Variants in ROBO2 observed in about 807,000 individuals in gnomAD.
The protein encoded by ROBO2 is roundabout guidance receptor 2, also known as roundabout homolog 2.
ROBO2 carries 53 observed loss-of-function variants against 160.8 expected under a neutral mutation model. That is an observed-to-expected ratio of 0.33 (90% confidence interval 0.26 to 0.41). The LOEUF is 0.41. Ranked by LOEUF, ROBO2 falls within the 10% of genes least tolerant of loss-of-function variation. The pLI, the probability that ROBO2 is intolerant of heterozygous loss-of-function variation, is 1.00. For missense variants in ROBO2, 1,577 were observed against 1,722.4 expected, an observed-to-expected ratio of 0.92 and a Z score of 1.49; for synonymous variants, 664 against 611.7, an observed-to-expected ratio of 1.09 and a Z score of -1.26.
intron 2 of ROBO2, among the ~76,000 whole-genome samples, chr3:76,476,921 G>T (rs555852452): frequency 1.3e-4 from 20 of 152,258 alleles, no homozygotes; most frequent in African/African-American, 3.8e-4. Context: ...CAGATGAATG[G>T]GGCCGAGTGG....
At chr3:76,159,855 C>T (rs1326529176) in intron 2 of ROBO2, among the ~76,000 whole-genome samples, 2 of 151,826 alleles carry the variant, frequency 1.3e-5, no homozygotes, top group Non-Finnish European at 2.9e-5. Context: ...AAAATGGTGG[C>T]CTTTAAAGAA....
chr3:76,199,931 T>C (rs1369530604), intron 2 of ROBO2, among the ~76,000 whole-genome samples: 3 of 152,194 alleles, frequency 2.0e-5, no homozygotes, highest in African/African-American at 7.2e-5. Flanking sequence ...AGTGGCTGAC[T>C]GTCTCTGTAT....
Position 77,326,363 on chromosome 3 carries a change from A to C in ROBO2, c.389-151051A>C, listed in dbSNP as rs561047343. On this transcript the variant is annotated intron_variant, in intron 2 of 25. Coordinates refer to ENST00000461745, the Ensembl canonical transcript of ROBO2. Reference sequence around the variant, plus strand: ...GCAAGAAATACTTATCAAATTTATGAATTGTATCTCAGTTTACCACTCTGT... The same window carrying C: ...GCAAGAAATACTTATCAAATTTATGCATTGTATCTCAGTTTACCACTCTGT... Among the ~76,000 whole-genome samples, 126 of 152,320 alleles carry C rather than the reference A, an allele frequency of 8.3e-4. 1 individual carries two copies. The highest frequency in any genetic ancestry group is 2.7e-3 in the African/African-American group (112 of 41,578).
intron 1 of ROBO2, among the ~76,000 whole-genome samples, chr3:75,925,464 T>C (rs1947257823): frequency 6.6e-6 from 1 of 152,174 alleles, no homozygotes; most frequent in Non-Finnish European, 1.5e-5. Context: ...AAGTGTCCTC[T>C]GATTATATGA....
At chr3:77,420,785 T>A (rs1454080290) in intron 2 of ROBO2, among the ~76,000 whole-genome samples, 1 of 152,138 alleles carries the variant, frequency 6.6e-6, no homozygotes, top group Admixed American at 6.6e-5. Context: ...TGGAAGTGAT[T>A]TGAAGAGACA....
chr3:77,059,217 G>C (rs1185694877), intron 1 of ROBO2, among the ~76,000 whole-genome samples: 1 of 152,144 alleles, frequency 6.6e-6, no homozygotes, highest in Admixed American at 6.6e-5. Context: ...ATTCTAGGTA[G>C]AAGGAAGGTC....
rs577939862 is a variant in ROBO2 at position 76,790,087 on chromosome 3, G to A, written c.110-307927G>A. Among the ~76,000 whole-genome samples, 11 of 151,708 alleles carry A rather than the reference G, an allele frequency of 7.3e-5. No individual in the cohort carries two copies. The South Asian group carries it at 1.9e-3, about 26-fold the overall frequency. On this transcript the variant is annotated intron_variant, in intron 2 of 26. Transcript: ENST00000487694. ...GTAAGTTTTGGTTAAGAAAATCATTGTCATATGTGTTTGACTAGAATCAAG... is the reference window on the plus strand; with the variant it reads ...GTAAGTTTTGGTTAAGAAAATCATTATCATATGTGTTTGACTAGAATCAAG...
chr3:76,471,118 T>C (rs551011954), intron 2 of ROBO2, among the ~76,000 whole-genome samples: 1 of 152,300 alleles, frequency 6.6e-6, no homozygotes, highest in African/African-American at 2.4e-5. Flanking sequence ...TTTCTATTCC[T>C]GTTGCAACCT....
At chr3:76,596,031 C>G (rs2086712638) in intron 2 of ROBO2, among the ~76,000 whole-genome samples, 1 of 152,014 alleles carries the variant, frequency 6.6e-6, no homozygotes. Flanking sequence ...AACATAAGAT[C>G]TGGCAATGAA....
intron 2 of ROBO2, among the ~76,000 whole-genome samples, chr3:76,255,973 A>G (rs961195817): frequency 6.6e-6 from 1 of 152,060 alleles, no homozygotes; most frequent in African/African-American, 2.4e-5. Flanking sequence ...AGATATTTGT[A>G]TCATATGGTA....
At chr3:76,740,213 A>G (rs1027120801) in intron 2 of ROBO2, among the ~76,000 whole-genome samples, 1 of 152,190 alleles carries the variant, frequency 6.6e-6, no homozygotes, top group African/African-American at 2.4e-5. Context: ...CAATAAGATA[A>G]AAAGGAGAAA....
At chr3:77,406,497 GAT>G (rs1482649140) in intron 2 of ROBO2, among the ~76,000 whole-genome samples, 1 of 152,092 alleles carries the variant, frequency 6.6e-6, no homozygotes, top group Non-Finnish European at 1.5e-5. Flanking sequence ...AGATAATAAA[GAT>G]AAATATTTTA....
chr3:77,008,194 A>T (rs2061683942), intron 2 of ROBO2, among the ~76,000 whole-genome samples: 2 of 152,058 alleles, frequency 1.3e-5, no homozygotes, highest in Admixed American at 1.3e-4. Flanking sequence ...CGGTTTCTTG[A>T]ACTTGAAATT....
At chr3:76,964,409 C>T (rs2079913556) in intron 2 of ROBO2, among the ~76,000 whole-genome samples, 1 of 152,118 alleles carries the variant, frequency 6.6e-6, no homozygotes, top group African/African-American at 2.4e-5. Context: ...GTGGCGTGAT[C>T]TCAGCTCACT....
chr3:76,449,756 C>G (rs1024469528), intron 2 of ROBO2, among the ~76,000 whole-genome samples: 3 of 152,110 alleles, frequency 2.0e-5, no homozygotes, highest in Non-Finnish European at 4.4e-5. Flanking sequence ...AGGGCATTTA[C>G]ATTGAAGAGA....
chr3:77,063,335 A>G (rs1372891199), intron 1 of ROBO2, among the ~76,000 whole-genome samples: 1 of 152,206 alleles, frequency 6.6e-6, no homozygotes, highest in Non-Finnish European at 1.5e-5. Flanking sequence ...GATAATGTGA[A>G]GATGGTAAGG....
rs1000996668 is a variant in ROBO2 at position 76,321,189 on chromosome 3, C to T, written c.109+383587C>T. On this transcript the variant is annotated intron_variant, in intron 2 of 26. Coordinates refer to the ROBO2 transcript ENST00000487694. ...ATATAAAAGGAAAATATATTTCAAA[C>T]AATGATAACTGCAAATGAGCACAGG... 7.4e-4 allele frequency among the ~76,000 whole-genome samples: 112 copies of T among 152,182 alleles called. 1 individual carries two copies. The highest frequency in any genetic ancestry group is 2.7e-3 in the African/African-American group (111 of 41,532).
chr3:76,914,530 G>A (rs948631734), intron 2 of ROBO2, among the ~76,000 whole-genome samples: 1 of 151,952 alleles, frequency 6.6e-6, no homozygotes, highest in African/African-American at 2.4e-5. Flanking sequence ...CTTTTCTGAA[G>A]AGCCACTGGA....
intron 2 of ROBO2, among the ~76,000 whole-genome samples, chr3:76,267,556 A>G (rs1173292282): frequency 6.6e-6 from 1 of 152,170 alleles, no homozygotes; most frequent in South Asian, 2.1e-4. Context: ...TGAATTTAAT[A>G]CCTATATTTT....
Sources: allele counts gnomAD v4.1 joint callset (sites outside exome capture counted in the v4.1 genomes callset), GRCh38; gene constraint gnomAD v4.1.1; transcripts MANE v1.5; gene names NCBI Gene and HGNC (gene_info 2026-07-23, HGNC 2026-07-21).